The following IGF1R variants were observed in gnomAD, a reference collection of about 807,000 sequenced individuals.
IGF1R encodes the protein insulin-like growth factor 1 receptor.
In IGF1R, 44 loss-of-function variants were observed where a neutral mutation model predicts 144.6. That is an observed-to-expected ratio of 0.30 (90% CI 0.24 to 0.39). IGF1R has a LOEUF of 0.39. Among genes scored for constraint, IGF1R ranks in the 10% least tolerant of loss-of-function variants. IGF1R has a pLI of 1.00. For missense variants in IGF1R, 1,355 were observed against 1,833.7 expected (o/e 0.74, Z 4.77); for synonymous variants, 795 against 722.8 (o/e 1.10, Z -1.60).
rs760831806 is a variant in IGF1R, at chr15:98,959,194, CATATAT to C, written c.*1759_*1764del. 1 of 232,958 alleles carries C rather than the reference CATATAT, an allele frequency of 4.3e-6. No individual in the cohort carries two copies. Among genetic ancestry groups the C allele is most frequent in the East Asian group, 6.0e-5 (1 of 16,544 alleles). 14.4% of individuals were successfully genotyped at this position (232,958 alleles called of 1,614,324 possible). On this transcript the variant is annotated 3_prime_UTR_variant, in exon 21 of 21. Coordinates refer to ENST00000650285, the MANE Select transcript of IGF1R (RefSeq NM_000875.5). ...TTGCCTTTGCTTAGGTTGTGACACA[CATATAT>C]ATATATTTTTTTAATTCTTGGGTAC...
chr15:98,883,161 G>C (rs2013464262), intron 2 of IGF1R, among the ~76,000 whole-genome samples: 1 of 152,184 alleles, frequency 6.6e-6, no homozygotes, highest in Admixed American at 6.5e-5. Context: ...TTTCTTTTGT[G>C]AACGTTTAAG....
chr15:98,807,633 A>G (rs1477792193), intron 2 of IGF1R, among the ~76,000 whole-genome samples: 1 of 152,232 alleles, frequency 6.6e-6, no homozygotes, highest in East Asian at 1.9e-4. Context: ...GTAAGATGGC[A>G]TTAATAGTGA....
chr15:98,688,164 C>G (rs2053378164), intron 1 of IGF1R, among the ~76,000 whole-genome samples: 1 of 152,124 alleles, frequency 6.6e-6, no homozygotes, highest in African/African-American at 2.4e-5. Flanking sequence ...AACCTAGATT[C>G]TTGTTTCACG....
At chr15:98,706,024 CTG>C (rs1324582602) in intron 1 of IGF1R, among the ~76,000 whole-genome samples, 1 of 152,260 alleles carries the variant, frequency 6.6e-6, no homozygotes, top group Non-Finnish European at 1.5e-5. Context: ...GGGAGCCGGC[CTG>C]TGTGCAGAGC....
intron 1 of IGF1R, among the ~76,000 whole-genome samples, chr15:98,655,103 C>A (rs185611369): frequency 6.6e-6 from 1 of 152,278 alleles, no homozygotes; most frequent in South Asian, 2.1e-4. Context: ...CATGCCTGCA[C>A]CCCCATCCCC....
At chr15:98,884,610 C>A (rs1361068919) in intron 2 of IGF1R, among the ~76,000 whole-genome samples, 1 of 135,592 alleles carries the variant, frequency 7.4e-6, no homozygotes, top group Non-Finnish European at 1.5e-5. Flanking sequence ...ATCCGGAAGG[C>A]AAAGCTGGAG....
At chr15:98,657,401 T>C (rs2052511822) in intron 1 of IGF1R, among the ~76,000 whole-genome samples, 1 of 152,228 alleles carries the variant, frequency 6.6e-6, no homozygotes, top group South Asian at 2.1e-4. Flanking sequence ...CTGTCTAGAT[T>C]GTAAAATCCC....
intron 2 of IGF1R, among the ~76,000 whole-genome samples, chr15:98,776,515 CT>C (rs2055720208): frequency 1.3e-5 from 2 of 152,206 alleles, no homozygotes; most frequent in Admixed American, 1.3e-4. Flanking sequence ...AAGAAACTTA[CT>C]AGTTATCAGG....
intron 1 of IGF1R, among the ~76,000 whole-genome samples, chr15:98,699,031 C>G (rs1398046827): frequency 6.6e-6 from 1 of 152,234 alleles, no homozygotes; most frequent in Non-Finnish European, 1.5e-5. Context: ...ACAGGGGACA[C>G]AGGGCCGACT....
At chr15:98,772,925 A>T (rs74032590) in intron 2 of IGF1R, among the ~76,000 whole-genome samples, 3 of 152,142 alleles carry the variant, frequency 2.0e-5, no homozygotes, top group Non-Finnish European at 4.4e-5. Flanking sequence ...CTAAGGGTAC[A>T]GCCATTAATA....
At chr15:98,659,019 A>G (rs2141173245) in intron 1 of IGF1R, among the ~76,000 whole-genome samples, 1 of 152,358 alleles carries the variant, frequency 6.6e-6, no homozygotes, top group East Asian at 1.9e-4. Flanking sequence ...CCTGGTATTA[A>G]GCCCTTGGAC....
chr15:98,652,240 C>G (rs1330675440), intron 1 of IGF1R, among the ~76,000 whole-genome samples: 1 of 152,142 alleles, frequency 6.6e-6, no homozygotes, highest in Non-Finnish European at 1.5e-5. Context: ...TGAGTGATAG[C>G]CAGATAATCT....
chr15:98,914,889 C>T (rs189528657), intron 8 of IGF1R, among the ~76,000 whole-genome samples: 1 of 152,144 alleles, frequency 6.6e-6, no homozygotes, highest in African/African-American at 2.4e-5. Context: ...TTTTTGGAAA[C>T]CCTAAAGTGG....
At chr15:98,863,894 T>C (rs968779404) in intron 2 of IGF1R, among the ~76,000 whole-genome samples, 5 of 152,220 alleles carry the variant, frequency 3.3e-5, no homozygotes, top group African/African-American at 1.2e-4. Context: ...TAATTTATCA[T>C]GTGACATTTT....
chr15:98,813,100 T>G (rs995188409), intron 2 of IGF1R, among the ~76,000 whole-genome samples: 4 of 152,172 alleles, frequency 2.6e-5, no homozygotes, highest in Admixed American at 2.0e-4. Context: ...AACTGACTTA[T>G]GTTACCTTTC....
chr15:98,768,476 G>T (rs1248830208), intron 2 of IGF1R, among the ~76,000 whole-genome samples: 1 of 151,192 alleles, frequency 6.6e-6, no homozygotes, highest in Non-Finnish European at 1.5e-5. Flanking sequence ...CTAGCTGGGC[G>T]TGGTGGTGCG....
At chr15:98,797,972 C>T (rs2056285483) in intron 2 of IGF1R, among the ~76,000 whole-genome samples, 1 of 152,236 alleles carries the variant, frequency 6.6e-6, no homozygotes, top group Non-Finnish European at 1.5e-5. Flanking sequence ...GTGAATCAGC[C>T]ATGAGAAGAC....
chr15:98,940,119 C>T (rs1355896366), intron 18 of IGF1R, among the ~76,000 whole-genome samples: 1 of 152,208 alleles, frequency 6.6e-6, no homozygotes, highest in African/African-American at 2.4e-5. Flanking sequence ...TAAAAACACA[C>T]ATAACATCAG....
At position 98,963,238 on chromosome 15, in the gene IGF1R, C is replaced by T. The variant is rs1469390228; in HGVS notation, c.*5796C>T. 6 of 224,552 alleles carry T rather than the reference C, an allele frequency of 2.7e-5. No homozygotes were observed. Among genetic ancestry groups the T allele is most frequent in the Non-Finnish European group, 4.3e-5 (5 of 116,208 alleles). The allele number at this position is 224,552 out of a possible 1,614,324, so 13.9% of individuals were successfully genotyped here. Reference sequence around the variant, plus strand: ...ATTTTTTTTTTTTTTTTTTAGGACACCTGTTTACTAGCTAGCTTTACAATA... The same window carrying T: ...ATTTTTTTTTTTTTTTTTTAGGACATCTGTTTACTAGCTAGCTTTACAATA... On this transcript the variant is annotated 3_prime_UTR_variant, in exon 21 of 21. Transcript: ENST00000650285.
Sources: allele counts gnomAD v4.1 joint callset (sites outside exome capture counted in the v4.1 genomes callset), GRCh38; gene constraint gnomAD v4.1.1; transcripts MANE v1.5; gene names NCBI Gene and HGNC (gene_info 2026-07-23, HGNC 2026-07-21).